GPR143: variants seen among roughly 807,000 people sequenced by gnomAD.
GPR143 encodes G protein-coupled receptor 143.
Under a neutral mutation model 27.6 loss-of-function variants are expected in GPR143, and 8 were observed. The ratio of observed to expected loss-of-function variants is 0.29; its 90% CI spans 0.17 to 0.52. The LOEUF (loss-of-function observed/expected upper bound fraction) is 0.52. Ranked by LOEUF, GPR143 falls within the 20% of genes least tolerant of loss-of-function variation. GPR143 has a pLI of 0.96. For synonymous variants in GPR143, 156 were observed against 153.2 expected (o/e 1.02, Z -0.13); for missense variants, 303 against 343.1 (o/e 0.88, Z 0.92).
rs1437774224 is a variant in GPR143 at position 9,728,446 on chromosome X, CTG to C, written c.1121-2608_1121-2607del. 1.7e-4 allele frequency among the ~76,000 whole-genome samples: 18 copies of C among 104,833 alleles called. No individual in the cohort carries two copies. The South Asian group carries it at 7.1e-3, about 41-fold the overall frequency. The allele number at this position is 104,833 out of a possible 115,157, so 91.0% of individuals were successfully genotyped here. ...TATATAGAAAAGAGGAAGTGAGAAA[CTG>C]TGACATCAGGAGAGATGTACTTGGA... On this transcript the variant is annotated intron_variant, in intron 8 of 8. Transcript: ENST00000467482.
intron 3 of GPR143, among the ~76,000 whole-genome samples, chrX:9,753,859 C>CG (rs1446441131): frequency 8.9e-6 from 1 of 111,772 alleles, no homozygotes. Context: ...GAGAGGAGAG[C>CG]GGGGGACTTG....
At chrX:9,775,401 G>A (rs936155613) in intron 1 of GPR143, among the ~76,000 whole-genome samples, 1 of 112,000 alleles carries the variant, frequency 8.9e-6, no homozygotes, top group Non-Finnish European at 1.9e-5. Context: ...GAGAGAGGTG[G>A]GTTGTGTACT....
At chrX:9,744,677 C>T (rs1256023326) in intron 5 of GPR143, among the ~76,000 whole-genome samples, 1 of 111,864 alleles carries the variant, frequency 8.9e-6, no homozygotes, top group Non-Finnish European at 1.9e-5. Flanking sequence ...TTCACTCCAG[C>T]CTGGGCAAAA....
At chrX:9,742,267 A>G (rs2083407378) in intron 6 of GPR143, among the ~76,000 whole-genome samples, 1 of 111,613 alleles carries the variant, frequency 9.0e-6, no homozygotes, top group African/African-American at 3.3e-5. Context: ...CAGGTGAATT[A>G]TTATTACTAT....
chrX:9,756,588 T>C (rs989259103), intron 3 of GPR143, among the ~76,000 whole-genome samples: 12 of 112,140 alleles, frequency 1.1e-4, no homozygotes, highest in African/African-American at 1.9e-4. Context: ...AAGAGGTGAA[T>C]AGATATTTCT....
At chrX:9,758,578 T>C (rs772769631) in intron 3 of GPR143, among the ~76,000 whole-genome samples, 3 of 111,998 alleles carry the variant, frequency 2.7e-5, no homozygotes, top group East Asian at 5.6e-4. Flanking sequence ...TATACATCCT[T>C]TGAACCTTTA....
At chrX:9,760,915 A>G in intron 1 of GPR143, 89 bp from the exon 2 acceptor site, 1 of 501,362 alleles carries the variant, frequency 2.0e-6, no homozygotes, top group Non-Finnish European at 3.6e-6. Flanking sequence ...GATACATAAT[A>G]GATAGAGATA....
intron 1 of GPR143, 84 bp from the exon 2 acceptor site, chrX:9,760,910 A>G: frequency 3.8e-6 from 2 of 528,085 alleles, no homozygotes; most frequent in Admixed American, 2.7e-5. Flanking sequence ...TGATAGATAC[A>G]TAATAGATAG....
intron 8 of GPR143, among the ~76,000 whole-genome samples, chrX:9,728,170 G>T (rs2083336788): frequency 9.0e-6 from 1 of 111,208 alleles, no homozygotes; most frequent in East Asian, 2.8e-4. Flanking sequence ...CAGGGAATGT[G>T]TCTTGGTCAC....
At chrX:9,778,370 G>A (rs1009015274) in intron 1 of GPR143, among the ~76,000 whole-genome samples, 4 of 111,552 alleles carry the variant, frequency 3.6e-5, no homozygotes, top group African/African-American at 9.8e-5. Context: ...TCGCTCCCAC[G>A]TCTTTCTGAC....
intron 1 of GPR143, among the ~76,000 whole-genome samples, chrX:9,777,285 T>C (rs970783235): frequency 2.7e-5 from 3 of 112,251 alleles, no homozygotes; most frequent in Admixed American, 1.9e-4. Context: ...CACACACCTG[T>C]AGTCCCAGCT....
chrX:9,736,266 T>C (rs930149891), intron 8 of GPR143, among the ~76,000 whole-genome samples: 4 of 111,542 alleles, frequency 3.6e-5, no homozygotes, highest in Non-Finnish European at 7.5e-5. Flanking sequence ...AAATGTGAGG[T>C]GTCCTAGGCA....
chrX:9,736,390 A>C (rs1284017482), intron 8 of GPR143, among the ~76,000 whole-genome samples: 1 of 111,843 alleles, frequency 8.9e-6, no homozygotes, highest in Non-Finnish European at 1.9e-5. Context: ...GGGCAATTTT[A>C]AGATATTCAA....
intron 3 of GPR143, among the ~76,000 whole-genome samples, chrX:9,756,970 T>C (rs752784572): frequency 3.6e-5 from 4 of 112,469 alleles, no homozygotes; most frequent in Non-Finnish European, 7.5e-5. Context: ...AGCCAAACAA[T>C]GGAAGTAGTC....
chrX:9,743,554 A>AATAAT lies in GPR143; in HGVS notation c.767+10_767+11insATTAT, dbSNP rs779209009. The AATAAT allele has an allele frequency of 1.9e-5, 19 of 1,000,575 alleles. No individual in the cohort carries two copies. In the African/African-American group the frequency reaches 3.0e-4, roughly 16 times the overall value. The allele number at this position is 1,000,575 out of a possible 1,213,427, so 82.5% of individuals were successfully genotyped here. On this transcript the variant is annotated intron_variant, in intron 6 of 8. Coordinates refer to ENST00000467482, the MANE Select transcript of GPR143 (RefSeq NM_000273.3). ...GGCAATAAAAATACACATATATAGA[A>AATAAT]GAAAGGTTACCAAATAATTAAAACC...
intron 7 of GPR143, among the ~76,000 whole-genome samples, chrX:9,740,060 G>C (rs1423994847): frequency 1.8e-5 from 2 of 110,441 alleles, no homozygotes; most frequent in Non-Finnish European, 3.8e-5. Context: ...TGGGAGGAGA[G>C]GGTGGGGGAG....
chrX:9,777,386 G>A (rs767529619), intron 1 of GPR143, among the ~76,000 whole-genome samples: 1 of 111,931 alleles, frequency 8.9e-6, no homozygotes, highest in African/African-American at 3.2e-5. Context: ...CAGCCTGGGT[G>A]ACATGGTGTG....
chrX:9,766,921 A>T (rs1601892586), upstream of GPR143, among the ~76,000 whole-genome samples: 1 of 105,547 alleles, frequency 9.5e-6, no homozygotes, highest in African/African-American at 3.6e-5. Context: ...ACACACACAC[A>T]CACACACACA....
rs190870561 is a variant in GPR143 at position 9,775,782 on chromosome X, C to T, written c.-3+10460G>A. On this transcript the variant is annotated intron_variant, in intron 1 of 7. Transcript: ENST00000447366. ...GAAGGCTGAGGCAGTTGCAGGTGGCCGAATTTGATGCTAAGTGCAACTGTG... is the reference window on the plus strand; with the variant it reads ...GAAGGCTGAGGCAGTTGCAGGTGGCTGAATTTGATGCTAAGTGCAACTGTG... Among the ~76,000 whole-genome samples the T allele has an allele frequency of 5.4e-3, 604 of 111,972 alleles. 9 individuals are homozygous for T. Among genetic ancestry groups the T allele is most frequent in the Admixed American group, 0.045 (475 of 10,524 alleles).
Sources: gnomAD v4.1 joint callset for allele counts (sites outside exome capture counted in the v4.1 genomes callset) on GRCh38, gnomAD v4.1.1 for gene constraint, MANE v1.5 for transcripts, NCBI Gene and HGNC (gene_info 2026-07-23, HGNC 2026-07-21) for gene names.